CA6: variants seen among roughly 807,000 people sequenced by gnomAD.
CA6 encodes carbonic anhydrase 6, also known as carbonate dehydratase VI.
A neutral mutation model predicts 35.9 loss-of-function variants in CA6; 28 were observed. That is an observed-to-expected ratio of 0.78 (90% CI 0.58 to 1.07). The LOEUF (loss-of-function observed/expected upper bound fraction) is 1.07, where lower values mean the gene tolerates loss of function less well. CA6 is among the 50% of genes least tolerant of loss of function. The probability of loss-of-function intolerance (pLI) is 0.00; values close to 1 mark genes in which losing one functional copy is unlikely to be tolerated. For synonymous variants in CA6, 148 were observed against 152.6 expected (o/e 0.97, Z 0.22); for missense variants, 377 against 382.0 (o/e 0.99, Z 0.11).
intron 3 of CA6, among the ~76,000 whole-genome samples, chr1:8,958,672 C>T (rs1467042828): frequency 6.6e-6 from 1 of 152,186 alleles, no homozygotes; most frequent in African/African-American, 2.4e-5. Context: ...CGGGAAATGG[C>T]CTCGAACTGC....
intron 1 of CA6, among the ~76,000 whole-genome samples, chr1:8,948,055 C>T (rs1300700344): frequency 6.6e-6 from 1 of 152,052 alleles, no homozygotes; most frequent in Non-Finnish European, 1.5e-5. Context: ...CCAGGTTTGT[C>T]AGGGTGGGTC....
At chr1:8,964,201 C>T (rs185032097) in intron 5 of CA6, among the ~76,000 whole-genome samples, 1 of 152,230 alleles carries the variant, frequency 6.6e-6, no homozygotes, top group African/African-American at 2.4e-5. Flanking sequence ...GGCCTCCTTT[C>T]CTGCTATTCT....
At chr1:8,955,750 A>G (rs1639661863) in intron 2 of CA6, among the ~76,000 whole-genome samples, 1 of 146,610 alleles carries the variant, frequency 6.8e-6, no homozygotes, top group Non-Finnish European at 1.5e-5. Flanking sequence ...ACAGCCGGTG[A>G]AAACCTTTCA....
intron 6 of CA6, among the ~76,000 whole-genome samples, chr1:8,969,098 G>A (rs1640045085): frequency 1.3e-5 from 2 of 151,164 alleles, no homozygotes; most frequent in East Asian, 2.0e-4. Context: ...GGTGGATCAC[G>A]AGGTCAGGGG....
At chr1:8,953,617 C>A (rs957893946) in intron 2 of CA6, among the ~76,000 whole-genome samples, 1 of 143,332 alleles carries the variant, frequency 7.0e-6, no homozygotes, top group African/African-American at 2.6e-5. Flanking sequence ...GCAAGACCTT[C>A]TCTCAATCAA....
chr1:8,957,854 A>C (rs1380579661), intron 3 of CA6, among the ~76,000 whole-genome samples: 1 of 150,880 alleles, frequency 6.6e-6, no homozygotes, highest in East Asian at 2.0e-4. Flanking sequence ...GCTTCTGAGG[A>C]GGCTGAGGTG....
intron 1 of CA6, among the ~76,000 whole-genome samples, chr1:8,947,921 C>T (rs1290979156): frequency 2.0e-5 from 3 of 151,312 alleles, no homozygotes; most frequent in African/African-American, 4.9e-5. Context: ...CTCGGCTCAC[C>T]GCAACCTCTG....
rs919573229 is a variant in CA6 at position 8,973,767 on chromosome 1, T to C, written c.845-855T>C. On this transcript the variant is annotated intron_variant, in intron 7 of 7. Transcript: ENST00000377443. ...TTCTTTCTTTCTTTCTTTCTTTCTT[T>C]CTTTCTTTCTTTCTTTCTTTTCCCT... is the stretch of plus-strand genomic sequence containing the variant. 1.4e-4 allele frequency among the ~76,000 whole-genome samples: 3 copies of C among 21,410 alleles called. No homozygotes were observed. In the Admixed American group the frequency reaches 1.7e-3, roughly 12 times the overall value. 14.0% of individuals were successfully genotyped at this position (21,410 alleles called of 152,430 possible).
intron 7 of CA6, among the ~76,000 whole-genome samples, chr1:8,973,411 C>A (rs1342976490): frequency 6.6e-6 from 1 of 152,214 alleles, no homozygotes; most frequent in Admixed American, 6.5e-5. Flanking sequence ...GACTGCGTAT[C>A]GTTCTATTTG....
rs1639842740 is a variant in CA6 at position 8,961,496 on chromosome 1, T to C, written c.502-1091T>C. Among the ~76,000 whole-genome samples, 5 of 152,130 alleles carry C rather than the reference T, an allele frequency of 3.3e-5. No individual in the cohort carries two copies. The South Asian group carries it at 1.0e-3, about 32-fold the overall frequency. On this transcript the variant is annotated intron_variant, in intron 4 of 7. Coordinates refer to ENST00000377443, the MANE Select transcript of CA6 (RefSeq NM_001215.4). The stretch of plus-strand genomic sequence containing the variant: ...AAATTAAGTTAATATTAACCTGACA[T>C]AGATTGTGATTGAGTTGTATATGGT...
chr1:8,962,621 A>C lies in CA6; in HGVS notation c.536A>C (p.Asn179Thr), dbSNP rs1639868992. ...TACCCTGAAAACACTTATTACAGCA[A>C]CTTCATTTCTCATCTGGCCAACATC... ...KNYPENTYYS[N>T]FISHLANIKY... Residue 179 changes from asparagine to threonine, a missense_variant, in exon 5 of 8, where the codon AAC (asparagine) becomes ACC (threonine). Physicochemically the swap from Asn to Thr is moderately conservative, Grantham distance 65 (BLOSUM62 0). Coordinates refer to ENST00000377443, the MANE Select transcript of CA6 (RefSeq NM_001215.4). 2 of 1,613,938 alleles carry C rather than the reference A, an allele frequency of 1.2e-6. No individual in the cohort carries two copies. The highest frequency in any genetic ancestry group is 1.7e-6 in the Non-Finnish European group (2 of 1,179,814).
At position 8,949,411 on chromosome 1, in the gene CA6, G is replaced by T. The variant is rs2274330; in HGVS notation, c.228G>T (p.Gly76=). The T allele has an allele frequency of 1.2e-6, 2 of 1,612,584 alleles. No homozygotes were observed. Among genetic ancestry groups the T allele is most frequent in the East Asian group, 2.2e-5 (1 of 44,808 alleles). The part of the protein sequence containing the change: ...LNMTGYETQA[G]EFPMVNNGHT... ...TGACAGGCTATGAGACCCAGGCAGG[G>T]GAGTTCCCCATGGTCAACAATGGCC... The change falls in exon 2 of 8, where the codon GGG becomes GGT. Residue 76 remains glycine (G), a synonymous_variant. Coordinates refer to ENST00000377443, the MANE Select transcript of CA6 (RefSeq NM_001215.4).
In CA6 at chr1:8,963,062, C is replaced by T. The variant is rs562277100; in HGVS notation, c.571+406C>T. On this transcript the variant is annotated intron_variant, in intron 5 of 7. Coordinates refer to ENST00000377443, the MANE Select transcript of CA6 (RefSeq NM_001215.4). This position sits in a 1 kb window ranked among gnomAD's most constrained non-coding sequence, Gnocchi z 4.1. ...CATACCACTTGGACATCCAGACACT[C>T]GGGGTGTTCTTCCGTCCCCTCTCCT... 6.6e-6 allele frequency among the ~76,000 whole-genome samples: 1 copy of T among 152,162 alleles called. No homozygotes were observed. Among genetic ancestry groups the T allele is most frequent in the Admixed American group, 6.5e-5 (1 of 15,270 alleles).
chr1:8,951,349 A>G (rs1308873222), intron 2 of CA6: 1 of 672,042 alleles, frequency 1.5e-6, no homozygotes, highest in East Asian at 2.5e-5. Context: ...GAAATACACA[A>G]AGAATGAACA....
intron 5 of CA6, among the ~76,000 whole-genome samples, chr1:8,966,335 C>T (rs1639967857): frequency 6.6e-6 from 1 of 152,024 alleles, no homozygotes; most frequent in South Asian, 2.1e-4. Context: ...GTCTCAAACT[C>T]CTGACCTCAG....
At chr1:8,972,765 CCA>C (rs944855238) in intron 7 of CA6, among the ~76,000 whole-genome samples, 5 of 152,098 alleles carry the variant, frequency 3.3e-5, no homozygotes, top group African/African-American at 4.8e-5. Flanking sequence ...GATTTTCTCC[CCA>C]CCTTTCCTTC....
intron 2 of CA6, among the ~76,000 whole-genome samples, chr1:8,953,619 CTCAATCAATCAATCAATCAG>C (rs2124247525): frequency 7.2e-6 from 1 of 139,668 alleles, no homozygotes; most frequent in African/African-American, 2.6e-5. Flanking sequence ...AAGACCTTCT[CTCAATCAATCAATCAATCAG>C]TCAATCAATC....
At chr1:8,966,742 G>A (rs1639978140) in intron 5 of CA6, among the ~76,000 whole-genome samples, 2 of 152,194 alleles carry the variant, frequency 1.3e-5, no homozygotes, top group Non-Finnish European at 2.9e-5. Flanking sequence ...GTTGCCTTGA[G>A]AGTCTTGTGC....
At chr1:8,951,347 C>G (rs964331995) in intron 2 of CA6, 1 of 667,232 alleles carries the variant, frequency 1.5e-6, no homozygotes, top group Non-Finnish European at 2.7e-6. Context: ...CTGAAATACA[C>G]AAAGAATGAA....
Sources: gnomAD v4.1 joint callset for allele counts (sites outside exome capture counted in the v4.1 genomes callset) on GRCh38, gnomAD v4.1.1 for gene constraint, Gnocchi (gnomAD v3.1) non-coding constraint, MANE v1.5 for transcripts, NCBI Gene and HGNC (gene_info 2026-07-23, HGNC 2026-07-21) for gene names.